RAD51B: variants seen among roughly 807,000 people sequenced by gnomAD.
RAD51B encodes the protein RAD51 paralog B.
RAD51B carries 38 observed loss-of-function variants against 42.2 expected under a neutral mutation model. That is an observed-to-expected ratio of 0.90 (90% CI 0.70 to 1.18). The LOEUF (loss-of-function observed/expected upper bound fraction) is 1.18. Among genes scored for constraint, RAD51B ranks in the 50% most tolerant of loss-of-function variants. RAD51B has a pLI of 0.00. For synonymous variants in RAD51B, 154 were observed against 145.2 expected, an observed-to-expected ratio of 1.06 and a Z score of -0.43; for missense variants, 373 against 400.7, an observed-to-expected ratio of 0.93 and a Z score of 0.59.
At chr14:68,270,089 T>C (rs2081075259) in intron 7 of RAD51B, among the ~76,000 whole-genome samples, 1 of 152,242 alleles carries the variant, frequency 6.6e-6, no homozygotes, top group African/African-American at 2.4e-5. Flanking sequence ...AGAATAACTT[T>C]GCGATAACTT....
intron 7 of RAD51B, among the ~76,000 whole-genome samples, chr14:67,932,324 A>G (rs1312953976): frequency 6.6e-6 from 1 of 152,180 alleles, no homozygotes; most frequent in East Asian, 1.9e-4. Context: ...GCTATAAACA[A>G]TATCTGTGTT....
Position 68,015,229 on chromosome 14 carries a change from G to A in RAD51B, c.756+128025G>A, listed in dbSNP as rs754673049. On this transcript the variant is annotated intron_variant, in intron 7 of 10. Transcript: ENST00000471583. ...GCACATTATAAGCTCATAAATGTGC[G>A]CTCCTATTCATTAAATCATTCTTTC... Among the ~76,000 whole-genome samples the A allele has an allele frequency of 8.5e-5, 13 of 152,216 alleles. 1 individual carries two copies. The Middle Eastern group carries it at 0.01, about 119-fold the overall frequency.
At chr14:68,089,340 T>C (rs1308551980) in intron 7 of RAD51B, among the ~76,000 whole-genome samples, 1 of 152,156 alleles carries the variant, frequency 6.6e-6, no homozygotes, top group East Asian at 1.9e-4. Flanking sequence ...CTCATTAGTC[T>C]CTAAGTACAG....
intron 10 of RAD51B, among the ~76,000 whole-genome samples, chr14:68,591,390 A>G (rs999065528): frequency 6.6e-6 from 1 of 152,264 alleles, no homozygotes; most frequent in Admixed American, 6.5e-5. Flanking sequence ...AGATTCATGA[A>G]TAAAGACAAA....
At chr14:67,942,723 A>G (rs558562107) in intron 7 of RAD51B, among the ~76,000 whole-genome samples, 47 of 152,356 alleles carry the variant, frequency 3.1e-4, no homozygotes, top group African/African-American at 1.1e-3. Flanking sequence ...TACGGAGTCT[A>G]TAGTTTCATG....
intron 10 of RAD51B, among the ~76,000 whole-genome samples, chr14:68,592,930 T>C (rs1890822079): frequency 6.6e-6 from 1 of 152,044 alleles, no homozygotes; most frequent in Admixed American, 6.5e-5. Context: ...GCCATGGCCA[T>C]CAGAATGGGC....
intron 9 of RAD51B, among the ~76,000 whole-genome samples, chr14:68,428,067 G>A (rs2084897544): frequency 6.6e-6 from 1 of 152,084 alleles, no homozygotes; most frequent in Non-Finnish European, 1.5e-5. Flanking sequence ...TCCACCATGG[G>A]ATGATGCAGC....
chr14:68,507,108 C>G (rs1259208903), intron 10 of RAD51B, among the ~76,000 whole-genome samples: 1 of 152,078 alleles, frequency 6.6e-6, no homozygotes, highest in Non-Finnish European at 1.5e-5. Flanking sequence ...CATCACCGCA[C>G]AGGTGCTCTT....
chr14:67,852,995 T>C (rs2041876294), intron 4 of RAD51B, among the ~76,000 whole-genome samples: 1 of 152,090 alleles, frequency 6.6e-6, no homozygotes, highest in Non-Finnish European at 1.5e-5. Context: ...CCCTTAGAAG[T>C]AGTGAGCTTT....
intron 7 of RAD51B, among the ~76,000 whole-genome samples, chr14:68,226,577 C>A (rs2080043565): frequency 6.6e-6 from 1 of 152,224 alleles, no homozygotes; most frequent in South Asian, 2.1e-4. Flanking sequence ...TACATAAGCT[C>A]TCTTGCCTGG....
chr14:67,948,816 C>T (rs753637601), intron 7 of RAD51B, among the ~76,000 whole-genome samples: 18 of 150,472 alleles, frequency 1.2e-4, no homozygotes, highest in Non-Finnish European at 2.5e-4. Flanking sequence ...CCTGTAGTCC[C>T]ATCTACTTGG....
intron 7 of RAD51B, among the ~76,000 whole-genome samples, chr14:68,224,424 C>T (rs2079994023): frequency 6.6e-6 from 1 of 152,062 alleles, no homozygotes; most frequent in Non-Finnish European, 1.5e-5. Flanking sequence ...ATTACTTCTG[C>T]TTGGCATATC....
intron 7 of RAD51B, among the ~76,000 whole-genome samples, chr14:67,949,282 C>T (rs922999161): frequency 1.3e-5 from 2 of 152,288 alleles, no homozygotes; most frequent in African/African-American, 2.4e-5. Flanking sequence ...CCTCTGAAAC[C>T]CTGCCACTGC....
rs142888009 is a variant in RAD51B, at chr14:67,881,792, C to T, written c.453-4077C>T. Reference sequence around the variant, plus strand: ...TATTATTTTAGTGCAATTCATGTACCAGTTAATCCTTTGTGGGCTAAAGTG... The same window carrying T: ...TATTATTTTAGTGCAATTCATGTACTAGTTAATCCTTTGTGGGCTAAAGTG... On this transcript the variant is annotated intron_variant, in intron 5 of 10. Transcript: ENST00000471583. 2.5e-3 allele frequency among the ~76,000 whole-genome samples: 387 copies of T among 152,204 alleles called. 2 individuals carry two copies. Among genetic ancestry groups the T allele is most frequent in the African/African-American group, 8.9e-3 (371 of 41,520 alleles).
Position 68,477,886 on chromosome 14 carries a change from G to A in RAD51B, c.*222G>A. On this transcript the variant is annotated 3_prime_UTR_variant, in exon 11 of 11. Transcript: ENST00000471583. ...AGCCTTTGTTCAGGTCTCTAGATGTGTAGGGCTGAGGGCTTTGCCGCCATG... is the reference window on the plus strand; with the variant it reads ...AGCCTTTGTTCAGGTCTCTAGATGTATAGGGCTGAGGGCTTTGCCGCCATG... 7.3e-7 allele frequency: 1 copy of A among 1,367,308 alleles called. No individual in the cohort carries two copies. The highest frequency in any genetic ancestry group is 9.4e-7 in the Non-Finnish European group (1 of 1,061,532). 84.7% of individuals were successfully genotyped at this position (1,367,308 alleles called of 1,614,324 possible). A position where few individuals can be genotyped will look rare whatever the true frequency, so the allele number is the denominator to read the frequency against.
intron 7 of RAD51B, among the ~76,000 whole-genome samples, chr14:67,989,362 C>T (rs188427726): frequency 5.3e-5 from 8 of 152,128 alleles, no homozygotes; most frequent in South Asian, 2.1e-4. Context: ...TGAGGCCGGG[C>T]GCAGTGGCTC....
intron 7 of RAD51B, among the ~76,000 whole-genome samples, chr14:68,282,563 C>T (rs1223270481): frequency 6.6e-6 from 1 of 152,016 alleles, no homozygotes; most frequent in Non-Finnish European, 1.5e-5. Flanking sequence ...GCTGCCCCCA[C>T]CCCTCCTTTT....
chr14:68,321,273 G>T (rs2082152873), intron 8 of RAD51B, among the ~76,000 whole-genome samples: 1 of 152,158 alleles, frequency 6.6e-6, no homozygotes, highest in African/African-American at 2.4e-5. Flanking sequence ...CGTACTGCAA[G>T]ACTAGGGCAG....
chr14:68,233,089 T>C (rs2080178982), intron 7 of RAD51B, among the ~76,000 whole-genome samples: 1 of 152,222 alleles, frequency 6.6e-6, no homozygotes. Context: ...TTGTGTGCAT[T>C]AGGAGACTTG....
Sources: allele counts gnomAD v4.1 joint callset (sites outside exome capture counted in the v4.1 genomes callset), GRCh38; gene constraint gnomAD v4.1.1; transcripts MANE v1.5; gene names NCBI Gene and HGNC (gene_info 2026-07-23, HGNC 2026-07-21).